Variants in EVI5 observed in about 807,000 individuals in gnomAD.
EVI5 encodes the protein ecotropic viral integration site 5 protein homolog.
In EVI5, 73 loss-of-function variants were observed where a neutral mutation model predicts 112.0. The observed-to-expected ratio is 0.65, with a 90% CI of 0.54 to 0.79. The LOEUF (loss-of-function observed/expected upper bound fraction) is 0.79. EVI5 is among the 30% of genes least tolerant of loss of function. The pLI, the probability that EVI5 is intolerant of heterozygous loss-of-function variation, is 0.00. For synonymous variants in EVI5, 305 were observed against 319.9 expected (o/e 0.95, Z 0.50); for missense variants, 900 against 968.8 (o/e 0.93, Z 0.94).
intron 19 of EVI5, among the ~76,000 whole-genome samples, chr1:92,561,248 T>C (rs988135416): frequency 6.6e-5 from 10 of 152,256 alleles, no homozygotes; most frequent in Admixed American, 1.3e-4. Context: ...CTCCCAAAAT[T>C]GTAGTTTATT....
intron 19 of EVI5, among the ~76,000 whole-genome samples, chr1:92,554,015 A>G (rs997999167): frequency 6.6e-5 from 10 of 152,360 alleles, no homozygotes; most frequent in Admixed American, 2.6e-4. Context: ...CAAAACATCA[A>G]ACATGGCTAG....
At chr1:92,648,508 C>G (rs1437861529) in intron 13 of EVI5, among the ~76,000 whole-genome samples, 1 of 152,090 alleles carries the variant, frequency 6.6e-6, no homozygotes, top group African/African-American at 2.4e-5. Flanking sequence ...AAGTAAAACC[C>G]CTTACCTATT....
intron 16 of EVI5, among the ~76,000 whole-genome samples, chr1:92,614,566 A>G (rs1652599956): frequency 6.6e-6 from 1 of 151,980 alleles, no homozygotes; most frequent in Non-Finnish European, 1.5e-5. Context: ...CAGCGAATAT[A>G]AAGCAGGCAG....
At chr1:92,618,908 T>C (rs1653854590) in intron 16 of EVI5, among the ~76,000 whole-genome samples, 2 of 152,362 alleles carry the variant, frequency 1.3e-5, no homozygotes, top group South Asian at 2.1e-4. Context: ...TTAAGTACTG[T>C]TAACTTTATG....
chr1:92,548,554 T>C (rs1358187164), intron 19 of EVI5, among the ~76,000 whole-genome samples: 3 of 152,258 alleles, frequency 2.0e-5, no homozygotes, highest in East Asian at 1.9e-4. Context: ...GGAAGTCAAA[T>C]TGTCCCTGTT....
At chr1:92,657,692 C>A (rs1449570787) in intron 13 of EVI5, among the ~76,000 whole-genome samples, 1 of 151,938 alleles carries the variant, frequency 6.6e-6, no homozygotes, top group East Asian at 1.9e-4. Context: ...ACTAAAAAAC[C>A]TAGGTTCTCC....
intron 2 of EVI5, among the ~76,000 whole-genome samples, chr1:92,727,746 T>C (rs1675795483): frequency 6.6e-6 from 1 of 152,188 alleles, no homozygotes; most frequent in Non-Finnish European, 1.5e-5. Context: ...CTAGGTATGA[T>C]GGCTCACACA....
chr1:92,527,242 C>T (rs978989303), intron 19 of EVI5, among the ~76,000 whole-genome samples: 4 of 151,730 alleles, frequency 2.6e-5, no homozygotes, highest in Non-Finnish European at 2.9e-5. Context: ...TGGTGAAATG[C>T]TGTCTTTACT....
chr1:92,648,473 G>C (rs553664468), intron 13 of EVI5, among the ~76,000 whole-genome samples: 1 of 152,180 alleles, frequency 6.6e-6, no homozygotes, highest in South Asian at 2.1e-4. Context: ...TCCACATCTA[G>C]TTCCATATCA....
At chr1:92,523,894 T>C (rs1661390598) in intron 19 of EVI5, among the ~76,000 whole-genome samples, 1 of 152,090 alleles carries the variant, frequency 6.6e-6, no homozygotes, top group African/African-American at 2.4e-5. Context: ...GAGACCAGCC[T>C]GGCCAACATG....
chr1:92,532,133 A>G (rs1012981584), intron 19 of EVI5, among the ~76,000 whole-genome samples: 4 of 152,096 alleles, frequency 2.6e-5, no homozygotes, highest in Admixed American at 2.6e-4. Flanking sequence ...CAGGGGTTGC[A>G]ATCCTAGTCT....
At chr1:92,568,190 T>A (rs2100960561) in intron 18 of EVI5, among the ~76,000 whole-genome samples, 1 of 151,790 alleles carries the variant, frequency 6.6e-6, no homozygotes, top group African/African-American at 2.4e-5. Flanking sequence ...CTGGGCAACA[T>A]GGCAAGACCC....
At chr1:92,689,303 G>C (rs1283440498) in intron 9 of EVI5, among the ~76,000 whole-genome samples, 2 of 151,876 alleles carry the variant, frequency 1.3e-5, no homozygotes, top group African/African-American at 4.8e-5. Context: ...CCCTGCTACT[G>C]GTAAAAATTA....
chr1:92,741,763 A>G (rs1678451266), intron 1 of EVI5, among the ~76,000 whole-genome samples: 1 of 152,180 alleles, frequency 6.6e-6, no homozygotes, highest in Admixed American at 6.5e-5. Flanking sequence ...TAAAGTAGGT[A>G]ATGTCTCCAT....
intron 3 of EVI5, 173 bp from the exon 4 acceptor site, chr1:92,703,792 C>G: frequency 1.8e-6 from 1 of 567,562 alleles, no homozygotes; most frequent in Non-Finnish European, 3.0e-6. Flanking sequence ...TAAGATTGGG[C>G]CCTGGGTGTA....
intron 18 of EVI5, among the ~76,000 whole-genome samples, chr1:92,566,803 CTTTT>C (rs57042163): frequency 5.1e-3 from 503 of 97,842 alleles, no homozygotes; most frequent in African/African-American, 0.017. Context: ...TGTGTGCCTG[CTTTT>C]TTTTTTTTTT....
chr1:92,659,295 A>C (rs1663564554), intron 13 of EVI5, among the ~76,000 whole-genome samples: 1 of 152,190 alleles, frequency 6.6e-6, no homozygotes. Flanking sequence ...AAAAGGAATA[A>C]TCAACAGAGT....
chr1:92,732,409 G>C (rs1192938844), intron 2 of EVI5: 2 of 261,718 alleles, frequency 7.6e-6, no homozygotes, highest in African/African-American at 4.6e-5. Context: ...ACAAAAAATA[G>C]TGAAACAGCT....
At chr1:92,604,465 C>T (rs572659511) in intron 18 of EVI5, among the ~76,000 whole-genome samples, 10 of 152,298 alleles carry the variant, frequency 6.6e-5, no homozygotes, top group African/African-American at 2.4e-4. Context: ...TCTTGTCCCA[C>T]TGGAAGGTCT....
Sources: gnomAD v4.1 joint callset for allele counts (sites outside exome capture counted in the v4.1 genomes callset) on GRCh38, gnomAD v4.1.1 for gene constraint, MANE v1.5 for transcripts, NCBI Gene and HGNC (gene_info 2026-07-23, HGNC 2026-07-21) for gene names.